RFTN1: variants seen among roughly 807,000 people sequenced by gnomAD.
RFTN1 encodes raftlin.
Under a neutral mutation model 46.5 loss-of-function variants are expected in RFTN1, and 26 were observed. The ratio of observed to expected loss-of-function variants is 0.56; its 90% CI spans 0.41 to 0.78. The LOEUF is 0.78. Among genes scored for constraint, RFTN1 ranks in the 30% least tolerant of loss-of-function variants. RFTN1 has a pLI of 0.00. For synonymous variants in RFTN1, 261 were observed against 284.2 expected (o/e 0.92, Z 0.82); for missense variants, 693 against 718.7 (o/e 0.96, Z 0.41).
At chr3:16,388,963 G>A (rs1484753652) in intron 4 of RFTN1, among the ~76,000 whole-genome samples, 1 of 152,334 alleles carries the variant, frequency 6.6e-6, no homozygotes, top group East Asian at 1.9e-4. Context: ...CAGCTTTAGA[G>A]TCTTCATTGA....
At position 16,450,140 on chromosome 3, in the gene RFTN1, T is replaced by C. The variant is rs903910010; in HGVS notation, c.146-16103A>G. Among the ~76,000 whole-genome samples, 6 of 152,234 alleles carry C rather than the reference T, an allele frequency of 3.9e-5. No homozygotes were observed. Among genetic ancestry groups the C allele is most frequent in the Admixed American group, 6.5e-5 (1 of 15,284 alleles). The stretch of plus-strand genomic sequence containing the variant: ...AATGTGCAAACAGAAAATATTTCTC[T>C]GAAAGAGTCATAAAATGTCAGCTTC... On this transcript the variant is annotated intron_variant, in intron 2 of 9. Transcript: ENST00000334133. This position sits in a 1 kb window ranked among gnomAD's most constrained non-coding sequence, Gnocchi z 4.6.
chr3:16,487,271 A>G (rs766832406), intron 2 of RFTN1, among the ~76,000 whole-genome samples: 5 of 152,248 alleles, frequency 3.3e-5, no homozygotes, highest in African/African-American at 4.8e-5. Flanking sequence ...TTCAATAAAT[A>G]TCTGTGGAAT....
intron 2 of RFTN1, among the ~76,000 whole-genome samples, chr3:16,445,796 T>C (rs972881640): frequency 2.6e-5 from 4 of 152,188 alleles, no homozygotes; most frequent in Admixed American, 2.6e-4. Flanking sequence ...TTTTAAAAAG[T>C]TTAAACTTAC....
intron 3 of RFTN1, among the ~76,000 whole-genome samples, chr3:16,415,943 A>C (rs534617942): frequency 6.6e-6 from 1 of 152,280 alleles, no homozygotes; most frequent in Non-Finnish European, 1.5e-5. Context: ...TAATCATATA[A>C]ATTGGGCAGA....
In RFTN1 at chr3:16,423,545, C is replaced by T. The variant is rs192462079; in HGVS notation, c.332+10306G>A. Among the ~76,000 whole-genome samples, 8 of 152,282 alleles carry T rather than the reference C, an allele frequency of 5.3e-5. No homozygotes were observed. The East Asian group carries it at 1.5e-3, about 29-fold the overall frequency. On this transcript the variant is annotated intron_variant, in intron 3 of 9. Transcript: ENST00000334133. ...TGTGGACACTGGCTTGGACAAGTAC[C>T]ACTCTGAGTCTCATTTCCTTCATCT...
At chr3:16,476,487 T>C (rs142706936) in intron 2 of RFTN1, among the ~76,000 whole-genome samples, 33 of 152,148 alleles carry the variant, frequency 2.2e-4, no homozygotes, top group Middle Eastern at 3.4e-3. Context: ...GAAAATAAGA[T>C]AGAAACAGAG....
intron 3 of RFTN1, among the ~76,000 whole-genome samples, chr3:16,414,068 G>T (rs1419745860): frequency 6.6e-6 from 1 of 152,146 alleles, no homozygotes; most frequent in Non-Finnish European, 1.5e-5. Flanking sequence ...CTATAATTGT[G>T]TTCTTACTTT....
chr3:16,511,750 T>C (rs557575300), intron 1 of RFTN1, among the ~76,000 whole-genome samples: 2 of 152,138 alleles, frequency 1.3e-5, no homozygotes, highest in African/African-American at 4.8e-5. Flanking sequence ...AAAGCAATTA[T>C]TTGAATGTAA....
At chr3:16,455,372 T>C (rs2075888644) in intron 2 of RFTN1, among the ~76,000 whole-genome samples, 1 of 152,196 alleles carries the variant, frequency 6.6e-6, no homozygotes, top group Non-Finnish European at 1.5e-5. Flanking sequence ...CTCACGCTAG[T>C]AGCCAGGATT....
At chr3:16,405,813 A>G (rs2074843407) in intron 4 of RFTN1, among the ~76,000 whole-genome samples, 1 of 152,198 alleles carries the variant, frequency 6.6e-6, no homozygotes, top group Non-Finnish European at 1.5e-5. Context: ...TGGTACTATG[A>G]CAAAACGAGT....
chr3:16,368,637 TTCCAGCAC>T (rs1173843350), intron 6 of RFTN1, among the ~76,000 whole-genome samples: 14 of 151,378 alleles, frequency 9.2e-5, no homozygotes, highest in Admixed American at 2.6e-4. Flanking sequence ...CGCCACTGCA[TTCCAGCAC>T]TCCAGCCTGG....
Position 16,324,613 on chromosome 3 carries a change from A to ACCCCC in RFTN1, c.1251-1161_1251-1157dup, listed in dbSNP as rs111849488. Among the ~76,000 whole-genome samples, 108 of 90,794 alleles carry ACCCCC rather than the reference A, an allele frequency of 1.2e-3. 8 individuals carry two copies. Among genetic ancestry groups the ACCCCC allele is most frequent in the African/African-American group, 4.3e-3 (96 of 22,456 alleles). 59.6% of individuals were successfully genotyped at this position (90,794 alleles called of 152,430 possible). A position where few individuals can be genotyped will look rare whatever the true frequency, so the allele number is the denominator to read the frequency against. The stretch of plus-strand genomic sequence containing the variant: ...TGTAATAAATAACAGAATGTCCCTG[A>ACCCCC]CCCCCCCCCTTTTAAGGTTGCATAG... On this transcript the variant is annotated intron_variant, in intron 8 of 9. Transcript: ENST00000334133.
At chr3:16,388,382 A>C (rs2125398131) in intron 4 of RFTN1, among the ~76,000 whole-genome samples, 1 of 152,374 alleles carries the variant, frequency 6.6e-6, no homozygotes, top group Middle Eastern at 3.4e-3. Flanking sequence ...TAGGCATGAG[A>C]TTAAATTTGC....
In RFTN1 at chr3:16,353,602, G is replaced by C. The variant is rs145631302; in HGVS notation, c.1146+4330C>G. Among the ~76,000 whole-genome samples, 1 of 152,180 alleles carries C rather than the reference G, an allele frequency of 6.6e-6. No homozygotes were observed. On this transcript the variant is annotated intron_variant, in intron 7 of 9. Transcript: ENST00000334133. This position sits in a 1 kb window ranked among gnomAD's most constrained non-coding sequence, Gnocchi z 5.4. ...AATGTTTTCTATCCTCCCACAATGCGTATGTTGAGGCTCCAAGCCCTAGTT... is the reference window on the plus strand; with the variant it reads ...AATGTTTTCTATCCTCCCACAATGCCTATGTTGAGGCTCCAAGCCCTAGTT...
chr3:16,404,823 C>T (rs897357782), intron 4 of RFTN1, among the ~76,000 whole-genome samples: 1 of 152,098 alleles, frequency 6.6e-6, no homozygotes, highest in East Asian at 1.9e-4. Flanking sequence ...GCTGCCCACT[C>T]GTGCCTCTCC....
At chr3:16,510,926 AAACT>A (rs2076890230) in intron 1 of RFTN1, among the ~76,000 whole-genome samples, 1 of 152,264 alleles carries the variant, frequency 6.6e-6, no homozygotes, top group Admixed American at 6.5e-5. Flanking sequence ...ATATACAAAC[AAACT>A]GTGGAGTAAG....
chr3:16,504,349 G>A lies in RFTN1; in HGVS notation c.-9+9093C>T, dbSNP rs1257460918. Among the ~76,000 whole-genome samples, 2 of 152,118 alleles carry A rather than the reference G, an allele frequency of 1.3e-5. No individual in the cohort carries two copies. Among genetic ancestry groups the A allele is most frequent in the Non-Finnish European group, 2.9e-5 (2 of 68,028 alleles). On this transcript the variant is annotated intron_variant, in intron 1 of 9. Transcript: ENST00000334133. The surrounding 1 kb of genome is among the most constrained non-coding windows in gnomAD (Gnocchi z 4.4). ...ACTTCTCAAAACTTGGAACCACACT[G>A]AACACCACCACCCTCATTTTCAGTT...
Position 16,493,711 on chromosome 3 carries a change from C to G in RFTN1, c.145+14G>C, listed in dbSNP as rs780934550. 3 of 1,612,180 alleles carry G rather than the reference C, an allele frequency of 1.9e-6. No individual in the cohort carries two copies. The highest frequency in any genetic ancestry group is 4.5e-5 in the East Asian group (2 of 44,822). On this transcript the variant is annotated intron_variant, in intron 2 of 9. Transcript: ENST00000334133. ...CCCCACCTGCCCCCATCCATTCCCA[C>G]CCCATGTACTCACCAGCACTCAGAG...
At chr3:16,453,751 T>C (rs536258846) in intron 2 of RFTN1, among the ~76,000 whole-genome samples, 2 of 152,270 alleles carry the variant, frequency 1.3e-5, no homozygotes, top group South Asian at 4.1e-4. Flanking sequence ...TGGTTACAAA[T>C]ATCAAGCATA....
Sources: gnomAD v4.1 joint callset for allele counts (sites outside exome capture counted in the v4.1 genomes callset) on GRCh38, gnomAD v4.1.1 for gene constraint, Gnocchi (gnomAD v3.1) non-coding constraint, MANE v1.5 for transcripts, NCBI Gene and HGNC (gene_info 2026-07-23, HGNC 2026-07-21) for gene names.